Variants in SPATA13 observed in about 807,000 individuals in gnomAD.
SPATA13 encodes the protein spermatogenesis-associated protein 13.
Under a neutral mutation model 104.0 loss-of-function variants are expected in SPATA13, and 50 were observed. The ratio of observed to expected loss-of-function variants is 0.48; its 90% CI spans 0.38 to 0.61. The LOEUF is 0.61. Among genes scored for constraint, SPATA13 ranks in the 20% least tolerant of loss-of-function variants. The pLI is 0.00. For synonymous variants in SPATA13, 606 were observed against 667.5 expected, an observed-to-expected ratio of 0.91 and a Z score of 1.42; for missense variants, 1,524 against 1,690.6, an observed-to-expected ratio of 0.90 and a Z score of 1.73.
chr13:24,281,031 ATGCATAGCTGGCTCCCTGC>A (rs1391300159), intron 4 of SPATA13, among the ~76,000 whole-genome samples: 8 of 152,166 alleles, frequency 5.3e-5, no homozygotes, highest in Non-Finnish European at 1.0e-4. Flanking sequence ...GGGTACACAC[ATGCATAGCTGGCTCCCTGC>A]TGCCCACCCA....
chr13:24,167,826 C>G (rs1415230194), intron 1 of SPATA13, among the ~76,000 whole-genome samples: 4 of 152,184 alleles, frequency 2.6e-5, no homozygotes. Flanking sequence ...CTTGTCCCAT[C>G]ATGAATATTC....
At chr13:24,291,325 T>C (rs946459357) in intron 9 of SPATA13, among the ~76,000 whole-genome samples, 3 of 152,240 alleles carry the variant, frequency 2.0e-5, no homozygotes, top group African/African-American at 7.2e-5. Flanking sequence ...GGATTCTTTA[T>C]GGCAGAAACA....
At position 24,036,570 on chromosome 13, in the gene SPATA13, C is replaced by T. The variant is rs369354522; in HGVS notation, c.-112+18869C>T. On this transcript the variant is annotated intron_variant, in intron 3 of 14. Transcript: ENST00000424834. ...GTTTTAGCTCCCCTGCCACCTGGGG[C>T]CCACAGGGAGACACCCAGGGACGAG... Among the ~76,000 whole-genome samples the T allele has an allele frequency of 4.0e-4, 61 of 152,140 alleles. 1 individual carries two copies. In the East Asian group the frequency reaches 0.011, roughly 27 times the overall value.
At chr13:24,103,327 A>G (rs997309452) in intron 3 of SPATA13, among the ~76,000 whole-genome samples, 3 of 151,890 alleles carry the variant, frequency 2.0e-5, no homozygotes, top group African/African-American at 7.3e-5. Flanking sequence ...TTGTCCTATC[A>G]TGTACAGTAT....
At chr13:24,191,240 T>C (rs1279102994) in intron 1 of SPATA13, among the ~76,000 whole-genome samples, 2 of 152,010 alleles carry the variant, frequency 1.3e-5, no homozygotes, top group East Asian at 1.9e-4. Context: ...CCTCCCAAAA[T>C]GTTGGGATTA....
chr13:24,090,949 C>G (rs1879890184), intron 3 of SPATA13, among the ~76,000 whole-genome samples: 1 of 152,166 alleles, frequency 6.6e-6, no homozygotes, highest in South Asian at 2.1e-4. Flanking sequence ...TGCTGTTTGC[C>G]TGTTTAGTGA....
intron 9 of SPATA13, among the ~76,000 whole-genome samples, chr13:24,293,262 C>G (rs1384067588): frequency 1.3e-5 from 2 of 148,614 alleles, no homozygotes; most frequent in African/African-American, 4.9e-5. Flanking sequence ...AAGAGAGCCA[C>G]AAAATTGAAG....
At chr13:24,216,712 C>T (rs1871275894) in intron 1 of SPATA13, among the ~76,000 whole-genome samples, 1 of 152,166 alleles carries the variant, frequency 6.6e-6, no homozygotes, top group African/African-American at 2.4e-5. Flanking sequence ...TGGGGAATAA[C>T]TTCATCTCTG....
intron 3 of SPATA13, among the ~76,000 whole-genome samples, chr13:24,152,759 CA>C (rs1365721386): frequency 6.6e-6 from 1 of 152,204 alleles, no homozygotes; most frequent in Non-Finnish European, 1.5e-5. Flanking sequence ...TCACTCTGAG[CA>C]AGGCGCCAGA....
rs1053007753 is a variant in SPATA13 at position 24,286,578 on chromosome 13, G to A, written c.2481+185G>A. On this transcript the variant is annotated intron_variant, in intron 6 of 12. Transcript: ENST00000382108. This position sits in a 1 kb window ranked among gnomAD's most constrained non-coding sequence, Gnocchi z 4.9. ...TAAAGGCAGGCAAGCGAGTTGCTCG[G>A]TGTTTCTCTGTGGTCCTCGTGCCTG... Among the ~76,000 whole-genome samples the A allele has an allele frequency of 6.6e-6, 1 of 152,156 alleles. No individual in the cohort carries two copies. Among genetic ancestry groups the A allele is most frequent in the African/African-American group, 2.4e-5 (1 of 41,426 alleles).
At chr13:24,085,941 AG>A (rs1476790254) in intron 3 of SPATA13, among the ~76,000 whole-genome samples, 4 of 152,252 alleles carry the variant, frequency 2.6e-5, no homozygotes, top group East Asian at 1.9e-4. Flanking sequence ...GAAGCCAGAG[AG>A]GGTTTCCAGG....
intron 2 of SPATA13, among the ~76,000 whole-genome samples, chr13:23,993,413 T>TA (rs1212658052): frequency 6.6e-6 from 1 of 152,260 alleles, no homozygotes; most frequent in East Asian, 1.9e-4. Flanking sequence ...AGCAGTGTAC[T>TA]ACCCACATCA....
chr13:24,150,253 C>T (rs560030482), intron 3 of SPATA13, among the ~76,000 whole-genome samples: 10 of 152,264 alleles, frequency 6.6e-5, no homozygotes, highest in African/African-American at 2.2e-4. Flanking sequence ...TCTCCCTGCC[C>T]AGCACCAGTG....
chr13:24,138,304 T>C (rs2138453124), intron 3 of SPATA13, among the ~76,000 whole-genome samples: 1 of 57,440 alleles, frequency 1.7e-5, no homozygotes, highest in South Asian at 8.1e-4. Flanking sequence ...AGACTCCGTC[T>C]GAAAAAAAAA....
At chr13:23,993,905 G>T (rs1325118203) in intron 2 of SPATA13, among the ~76,000 whole-genome samples, 2 of 151,942 alleles carry the variant, frequency 1.3e-5, no homozygotes, top group African/African-American at 4.8e-5. Flanking sequence ...ATGTGTGAGG[G>T]TGCAGCCAGC....
Position 24,051,580 on chromosome 13 carries a change from C to T in SPATA13, c.-112+33879C>T, listed in dbSNP as rs567521679. Among the ~76,000 whole-genome samples the T allele has an allele frequency of 2.0e-5, 3 of 152,238 alleles. No individual in the cohort carries two copies. The highest frequency in any genetic ancestry group is 2.1e-4 in the South Asian group (1 of 4,808). ...GAAGCCAGGGAGTAAATGCTTCCTC[C>T]GTCTCCCTGCTGGTCTAGTAGAGTG... On this transcript the variant is annotated intron_variant, in intron 3 of 14. Coordinates refer to the SPATA13 transcript ENST00000424834. The surrounding 1 kb of genome is among the most constrained non-coding windows in gnomAD (Gnocchi z 4.2).
rs959390222 is a variant in SPATA13, at chr13:24,223,779, C to T, written c.850C>T (p.Arg284Trp). Residue 284 changes from arginine (R) to tryptophan (W), a missense_variant, in exon 2 of 13, where the codon CGG (arginine) becomes TGG (tryptophan). Physicochemically the swap from Arg to Trp is moderately radical, Grantham distance 101. Around this residue, in one of 2 missense-constraint regions of SPATA13, gnomAD observed 1,089 missense variants for 1,135.9 expected, o/e 0.96. Transcript: ENST00000382108. The part of the protein sequence containing the change: ...LADLRTAHDA[R>W]VPQRTLSSSS... Reference sequence around the variant, plus strand: ...AGACCTCAGGACGGCCCATGACGCACGGGTACCACAGAGGACCCTGAGCAG... The same window carrying T: ...AGACCTCAGGACGGCCCATGACGCATGGGTACCACAGAGGACCCTGAGCAG... The T allele has an allele frequency of 1.9e-6, 3 of 1,551,728 alleles. No individual in the cohort carries two copies. The highest frequency in any genetic ancestry group is 1.4e-5 in the African/African-American group (1 of 73,062).
chr13:24,219,159 C>T lies in SPATA13; in HGVS notation c.-111-3660C>T, dbSNP rs559177162. On this transcript the variant is annotated intron_variant, in intron 1 of 12. Transcript: ENST00000382108. ...TTCCCACAATTTATAAGACTTGCTA[C>T]AAAACCACTAATTGAATTGCAACCC... Among the ~76,000 whole-genome samples the T allele has an allele frequency of 2.6e-5, 4 of 152,262 alleles. No individual in the cohort carries two copies. In the South Asian group the frequency reaches 8.3e-4, roughly 32 times the overall value.
At chr13:24,019,112 G>A (rs1238958183) in intron 3 of SPATA13, among the ~76,000 whole-genome samples, 3 of 146,368 alleles carry the variant, frequency 2.0e-5, no homozygotes, top group African/African-American at 5.0e-5. Flanking sequence ...TTTTTGAGAC[G>A]GAGTCTCGCT....
Sources: gnomAD v4.1 joint callset for allele counts (sites outside exome capture counted in the v4.1 genomes callset) on GRCh38, gnomAD v4.1.1 for gene constraint, gnomAD v4.1.1 regional missense constraint, Gnocchi (gnomAD v3.1) non-coding constraint, MANE v1.5 for transcripts, NCBI Gene and HGNC (gene_info 2026-07-23, HGNC 2026-07-21) for gene names.